The following SLFN12L variants were observed in gnomAD, a reference collection of about 807,000 sequenced individuals.
SLFN12L encodes the protein schlafen family member 12-like.
In SLFN12L, 34 loss-of-function variants were observed where a neutral mutation model predicts 34.8. The ratio of observed to expected loss-of-function variants is 0.98; its 90% CI spans 0.74 to 1.30. SLFN12L has a LOEUF of 1.30. Ranked by LOEUF, SLFN12L falls within the 50% of genes most tolerant of loss-of-function variation. The pLI is 0.00. For synonymous variants in SLFN12L, 259 were observed against 247.5 expected (o/e 1.05, Z -0.44); for missense variants, 703 against 696.2 (o/e 1.01, Z -0.11).
In SLFN12L at chr17:35,490,968, G is replaced by A. The variant is rs1459361131; in HGVS notation, c.87-10773C>T. On this transcript the variant is annotated intron_variant, in intron 2 of 4. Transcript: ENST00000628453. ...ACCTCGTTGGTTTCAACCAACTCAGGACATAGCGATTGCTCAATTTCTATG... is the reference window on the plus strand; with the variant it reads ...ACCTCGTTGGTTTCAACCAACTCAGAACATAGCGATTGCTCAATTTCTATG... 5 of 785,686 alleles carry A rather than the reference G, an allele frequency of 6.4e-6. No individual in the cohort carries two copies. In the African/African-American group the frequency reaches 8.4e-5, roughly 13 times the overall value. 48.7% of individuals were successfully genotyped at this position (785,686 alleles called of 1,614,324 possible).
At chr17:35,487,341 G>T (rs1363419115) in intron 2 of SLFN12L, among the ~76,000 whole-genome samples, 2 of 152,270 alleles carry the variant, frequency 1.3e-5, no homozygotes, top group South Asian at 2.1e-4. Context: ...AACAGCCTGC[G>T]GTTTTGACAG....
chr17:35,491,888 G>A (rs1914852378), intron 2 of SLFN12L, among the ~76,000 whole-genome samples: 1 of 152,300 alleles, frequency 6.6e-6, no homozygotes, highest in Admixed American at 6.5e-5. Flanking sequence ...AAATATACTT[G>A]TTGCAGATAC....
At chr17:35,528,381 A>G (rs991161275) in intron 1 of SLFN12L, among the ~76,000 whole-genome samples, 1 of 133,192 alleles carries the variant, frequency 7.5e-6, no homozygotes, top group Non-Finnish European at 1.6e-5. Context: ...AAGCCTGCAT[A>G]GCCAAGACAA....
chr17:35,469,633 G>T lies in SLFN12L; in HGVS notation c.*5290C>A, dbSNP rs567094451. ...GATGCCAAATAGGCCCAGGGGCAAT[G>T]GGTCTTACTGTGTTTTCCTAGGTTC... On this transcript the variant is annotated 3_prime_UTR_variant, in exon 5 of 5. Coordinates refer to ENST00000628453, the MANE Select transcript of SLFN12L (RefSeq NM_001363830.2). Among the ~76,000 whole-genome samples the T allele has an allele frequency of 2.0e-5, 3 of 152,100 alleles. No homozygotes were observed. Among genetic ancestry groups the T allele is most frequent in the South Asian group, 2.1e-4 (1 of 4,818 alleles).
intron 2 of SLFN12L, among the ~76,000 whole-genome samples, chr17:35,481,761 C>T (rs923377555): frequency 2.0e-5 from 3 of 152,198 alleles, no homozygotes; most frequent in Non-Finnish European, 4.4e-5. Flanking sequence ...TACAATCTCT[C>T]GTCTCCGCAC....
At chr17:35,486,431 G>C (rs565077294) in intron 2 of SLFN12L, among the ~76,000 whole-genome samples, 2 of 152,206 alleles carry the variant, frequency 1.3e-5, no homozygotes, top group African/African-American at 4.8e-5. Context: ...GGGAAACTTG[G>C]AACCCATGGG....
intron 2 of SLFN12L, among the ~76,000 whole-genome samples, chr17:35,501,376 T>C (rs868029339): frequency 5.3e-5 from 8 of 152,234 alleles, no homozygotes; most frequent in African/African-American, 1.9e-4. Flanking sequence ...TCCATTTTAG[T>C]GGAAGCATGG....
intron 2 of SLFN12L, among the ~76,000 whole-genome samples, chr17:35,519,448 TTAAA>T (rs1915935051): frequency 6.6e-6 from 1 of 152,230 alleles, no homozygotes; most frequent in East Asian, 1.9e-4. Flanking sequence ...ACCCAAAATA[TTAAA>T]TAAATACCTA....
intron 2 of SLFN12L, among the ~76,000 whole-genome samples, chr17:35,482,521 C>T (rs941761052): frequency 9.9e-5 from 15 of 152,184 alleles, no homozygotes; most frequent in Non-Finnish European, 1.3e-4. Flanking sequence ...CTGCAGCATG[C>T]TAGAATCCTG....
chr17:35,481,459 GT>G (rs1914334523), intron 2 of SLFN12L, among the ~76,000 whole-genome samples: 1 of 152,354 alleles, frequency 6.6e-6, no homozygotes, highest in Middle Eastern at 3.4e-3. Flanking sequence ...AATAGTGAAA[GT>G]ACTAAAAGTC....
chr17:35,523,999 A>T (rs559994199), intron 1 of SLFN12L, among the ~76,000 whole-genome samples: 1 of 152,312 alleles, frequency 6.6e-6, no homozygotes, highest in East Asian at 1.9e-4. Context: ...TTTTTGCCCT[A>T]TTGTGGCAGT....
chr17:35,498,199 G>T (rs1915163146), intron 2 of SLFN12L: 2 of 715,278 alleles, frequency 2.8e-6, no homozygotes, highest in Admixed American at 1.9e-5. Context: ...AGCCGGGGCC[G>T]CCTGGGATGT....
chr17:35,498,010 C>T (rs898897166), intron 2 of SLFN12L, among the ~76,000 whole-genome samples: 9 of 152,128 alleles, frequency 5.9e-5, no homozygotes, highest in Non-Finnish European at 1.2e-4. Flanking sequence ...ATAGCGAGAC[C>T]CTGGCTCTAA....
At chr17:35,494,111 G>A (rs561127194) in intron 2 of SLFN12L, among the ~76,000 whole-genome samples, 1 of 152,244 alleles carries the variant, frequency 6.6e-6, no homozygotes, top group East Asian at 1.9e-4. Context: ...TTTTCCTACG[G>A]GGTACGTGAT....
In SLFN12L at chr17:35,479,380, T is replaced by C. The variant is rs539401962; in HGVS notation, c.902A>G (p.Lys301Arg). ...GFKAEKSYLT[K>R]LEEVTKNSIG... is the part of the protein sequence containing the mutation. Reference sequence around the variant, plus strand: ...GGAATTTTTTGTTACTTCTTCTAACTTAGTAAGATAACTCTTCTCTGCTTT... The same window carrying C: ...GGAATTTTTTGTTACTTCTTCTAACCTAGTAAGATAACTCTTCTCTGCTTT... Residue 301 changes from lysine (K) to arginine (R), a missense_variant, in exon 3 of 5, where the codon AAG becomes AGG. Lys to Arg is a conservative substitution (Grantham distance 26). Coordinates refer to ENST00000628453, the MANE Select transcript of SLFN12L (RefSeq NM_001363830.2). The C allele has an allele frequency of 1.1e-5, 18 of 1,605,502 alleles. No homozygotes were observed. In the South Asian group the frequency reaches 1.9e-4, roughly 17 times the overall value.
chr17:35,499,959 G>C (rs1211061153), intron 2 of SLFN12L: 1 of 153,824 alleles, frequency 6.5e-6, no homozygotes, highest in Non-Finnish European at 1.4e-5. Context: ...TCCTGCGAAA[G>C]CTGTGGGCCA....
chr17:35,515,093 G>T, intron 2 of SLFN12L: 1 of 629,596 alleles, frequency 1.6e-6, no homozygotes. Flanking sequence ...TCTTTAAGTT[G>T]GGGTCACTTC....
At chr17:35,530,370 G>A (rs868201630) in intron 1 of SLFN12L, among the ~76,000 whole-genome samples, 1 of 4,264 alleles carries the variant, frequency 2.3e-4, no homozygotes, top group African/African-American at 6.6e-4. Flanking sequence ...AGAAAGGAAG[G>A]AAGGAAGGAA....
chr17:35,529,024 G>T (rs1225339847), intron 1 of SLFN12L, among the ~76,000 whole-genome samples: 1 of 152,168 alleles, frequency 6.6e-6, no homozygotes, highest in Admixed American at 6.5e-5. Flanking sequence ...CCATCAAAAA[G>T]TGGGCAAAGG....
Sources: gnomAD v4.1 joint callset for allele counts (sites outside exome capture counted in the v4.1 genomes callset) on GRCh38, gnomAD v4.1.1 for gene constraint, MANE v1.5 for transcripts, NCBI Gene and HGNC (gene_info 2026-07-23, HGNC 2026-07-21) for gene names.